FAM118B: variants seen among roughly 807,000 people sequenced by gnomAD.
FAM118B encodes protein FAM118B.
A neutral mutation model predicts 38.5 loss-of-function variants in FAM118B; 24 were observed. The ratio of observed to expected loss-of-function variants is 0.62; its 90% CI spans 0.45 to 0.88. FAM118B has a LOEUF of 0.88. Among genes scored for constraint, FAM118B ranks in the 40% least tolerant of loss-of-function variants. FAM118B has a pLI of 0.00. For missense variants in FAM118B, 334 were observed against 420.0 expected (o/e 0.80, Z 1.79); for synonymous variants, 138 against 156.3 (o/e 0.88, Z 0.87).
At position 126,240,833 on chromosome 11, in the gene FAM118B, T is replaced by C. The variant is rs1950346720; in HGVS notation, c.128T>C (p.Leu43Pro). Residue 43 changes from leucine to proline, a missense_variant, in exon 4 of 9, where the codon CTT becomes CCT. Around this residue, in one of 3 missense-constraint regions of FAM118B, gnomAD observed 240 missense variants for 295.9 expected, o/e 0.81. Transcript: ENST00000533050. ...TTAAAAACTAAGAAGCCTCGAGAAC[T>C]TGTGCTAGTGATTGGAACAGGCATT... ...PSLKTKKPRELVLVIGTGISA... is the reference protein window; with the variant it reads ...PSLKTKKPREPVLVIGTGISA... 1 of 1,611,744 alleles carries C rather than the reference T, an allele frequency of 6.2e-7. No individual in the cohort carries two copies. Among genetic ancestry groups the C allele is most frequent in the African/African-American group, 1.3e-5 (1 of 74,748 alleles).
intron 1 of FAM118B, among the ~76,000 whole-genome samples, chr11:126,219,349 C>CTTT (rs549922825): frequency 2.3e-5 from 1 of 44,414 alleles, no homozygotes; most frequent in Non-Finnish European, 3.9e-5. Context: ...TCTTGTTTAT[C>CTTT]TTTTTTTTTT....
chr11:126,213,121 C>G (rs1217983250), intron 1 of FAM118B, among the ~76,000 whole-genome samples: 1 of 147,796 alleles, frequency 6.8e-6, no homozygotes, highest in Non-Finnish European at 1.5e-5. Context: ...ATCTGTGAGT[C>G]CCTGGAAGAA....
intron 1 of FAM118B, among the ~76,000 whole-genome samples, chr11:126,216,131 T>C (rs1020960710): frequency 4.6e-5 from 7 of 152,232 alleles, no homozygotes; most frequent in African/African-American, 1.4e-4. Flanking sequence ...ATCCCAGCAC[T>C]TTGGGAGGCT....
chr11:126,236,916 G>T (rs1476353534), intron 3 of FAM118B, among the ~76,000 whole-genome samples: 1 of 82,448 alleles, frequency 1.2e-5, no homozygotes, highest in African/African-American at 5.3e-5. Flanking sequence ...TTTCACAGAT[G>T]CTTTTTTTTT....
intron 1 of FAM118B, among the ~76,000 whole-genome samples, chr11:126,223,583 GAAA>G: frequency 8.5e-6 from 1 of 118,304 alleles, no homozygotes; most frequent in Admixed American, 8.6e-5. Flanking sequence ...GCGAAAGAGC[GAAA>G]AAAAAAAAAA....
chr11:126,219,930 G>T (rs1023315546), intron 1 of FAM118B, among the ~76,000 whole-genome samples: 13 of 151,364 alleles, frequency 8.6e-5, no homozygotes, highest in Admixed American at 1.3e-4. Context: ...ATTGAAGGAA[G>T]AATTTTTTTT....
At position 126,257,605 on chromosome 11, in the gene FAM118B, AT is replaced by A. The variant is rs5795488; in HGVS notation, c.982+769del. ...CAGCTATATTCATATAGAATTGTAC[AT>A]TTTTTTTTTTTTTTTGGTGCGTGTA... On this transcript the variant is annotated intron_variant, in intron 7 of 8. Coordinates refer to ENST00000533050, the MANE Select transcript of FAM118B (RefSeq NM_024556.4). Among the ~76,000 whole-genome samples, 157 of 140,912 alleles carry A rather than the reference AT, an allele frequency of 1.1e-3. 1 individual carries two copies. The highest frequency in any genetic ancestry group is 1.8e-3 in the Admixed American group (25 of 14,128). The allele number at this position is 140,912 out of a possible 152,430, so 92.4% of individuals were successfully genotyped here.
At chr11:126,239,085 G>A (rs139144229) in intron 3 of FAM118B, among the ~76,000 whole-genome samples, 16 of 149,210 alleles carry the variant, frequency 1.1e-4, no homozygotes, top group Non-Finnish European at 2.2e-4. Context: ...TGATCCTCCC[G>A]TGAACTTAGC....
At chr11:126,236,803 G>T (rs1175263993) in intron 3 of FAM118B, among the ~76,000 whole-genome samples, 1 of 147,780 alleles carries the variant, frequency 6.8e-6, no homozygotes, top group Non-Finnish European at 1.5e-5. Flanking sequence ...AGCTTTCTCG[G>T]GGGTTCTCTG....
Position 126,244,149 on chromosome 11 carries a change from G to A in FAM118B, c.339+3105G>A, listed in dbSNP as rs1003146164. ...ACTCACAGTTAACATATTTAATGGT[G>A]AAAGACTGGATTTTTTCCACTAAGA... On this transcript the variant is annotated intron_variant, in intron 4 of 8. Coordinates refer to ENST00000533050, the MANE Select transcript of FAM118B (RefSeq NM_024556.4). The surrounding 1 kb of genome is among the most constrained non-coding windows in gnomAD (Gnocchi z 4.5). Among the ~76,000 whole-genome samples the A allele has an allele frequency of 2.0e-5, 3 of 152,154 alleles. No homozygotes were observed. The highest frequency in any genetic ancestry group is 7.2e-5 in the African/African-American group (3 of 41,426).
At chr11:126,258,213 TAGTG>T (rs1291933125) in intron 7 of FAM118B, among the ~76,000 whole-genome samples, 1 of 151,982 alleles carries the variant, frequency 6.6e-6, no homozygotes, top group Non-Finnish European at 1.5e-5. Context: ...GTGAGCAACA[TAGTG>T]AGAACCTGTC....
Position 126,262,364 on chromosome 11 carries a change from C to G in FAM118B, c.*231C>G. 5.3e-6 allele frequency: 3 copies of G among 566,424 alleles called. No homozygotes were observed. In the South Asian group the frequency reaches 6.6e-5, roughly 13 times the overall value. The allele number at this position is 566,424 out of a possible 1,614,324, so 35.1% of individuals were successfully genotyped here. On this transcript the variant is annotated 3_prime_UTR_variant, in exon 9 of 9. Coordinates refer to ENST00000533050, the MANE Select transcript of FAM118B (RefSeq NM_024556.4). ...TCAAGAATAAAAGCGACAGCAGGAC[C>G]CAAATGCAGCTCCCAACCCACTCCC... is the stretch of plus-strand genomic sequence containing the variant.
At chr11:126,242,526 T>A (rs527938942) in intron 4 of FAM118B, among the ~76,000 whole-genome samples, 1 of 152,324 alleles carries the variant, frequency 6.6e-6, no homozygotes, top group East Asian at 1.9e-4. Context: ...TATAAAGAAC[T>A]ACTGTAACTT....
At chr11:126,234,217 T>C (rs1228011016) in intron 2 of FAM118B, among the ~76,000 whole-genome samples, 1 of 152,254 alleles carries the variant, frequency 6.6e-6, no homozygotes, top group Non-Finnish European at 1.5e-5. Flanking sequence ...TTCTATATTG[T>C]GTGTGTGTTT....
chr11:126,223,694 A>T (rs1157078441), intron 1 of FAM118B, among the ~76,000 whole-genome samples: 4 of 152,342 alleles, frequency 2.6e-5, no homozygotes, highest in East Asian at 3.9e-4. Context: ...CTTAGCTCAA[A>T]ATACTGATGC....
intron 1 of FAM118B, 35 bp from the exon 2 acceptor site, chr11:126,229,190 T>A (rs1323935296): frequency 6.6e-6 from 1 of 152,118 alleles, no homozygotes; most frequent in African/African-American, 2.4e-5. Context: ...ATTTTAAAAG[T>A]CTCCTTACTT....
chr11:126,243,523 C>T (rs1950383859), intron 4 of FAM118B, among the ~76,000 whole-genome samples: 1 of 151,270 alleles, frequency 6.6e-6, no homozygotes, highest in Non-Finnish European at 1.5e-5. Context: ...AACATGGACA[C>T]AAAAATCCTC....
At chr11:126,260,708 A>G (rs572133116) in intron 7 of FAM118B, 3 of 152,364 alleles carry the variant, frequency 2.0e-5, no homozygotes, top group South Asian at 2.1e-4. Flanking sequence ...CTACGAGGGT[A>G]ATATCAATTT....
intron 4 of FAM118B, chr11:126,245,391 C>G (rs1396545155): frequency 6.6e-6 from 1 of 152,100 alleles, no homozygotes; most frequent in African/African-American, 2.4e-5. Flanking sequence ...TCTTTCAAAG[C>G]TTACTACAGA....
Sources: allele counts gnomAD v4.1 joint callset (sites outside exome capture counted in the v4.1 genomes callset), GRCh38; gene constraint gnomAD v4.1.1; regional missense constraint gnomAD v4.1.1; non-coding constraint Gnocchi (gnomAD v3.1); transcripts MANE v1.5; gene names NCBI Gene and HGNC (gene_info 2026-07-23, HGNC 2026-07-21).